DDR1: variants seen among roughly 807,000 people sequenced by gnomAD.
DDR1 encodes epithelial discoidin domain-containing receptor 1.
A neutral mutation model predicts 97.4 loss-of-function variants in DDR1; 64 were observed. The ratio of observed to expected loss-of-function variants is 0.66; its 90% CI spans 0.54 to 0.81. The LOEUF is 0.81. DDR1 is among the 30% of genes least tolerant of loss of function. The probability of loss-of-function intolerance (pLI) is 0.00; values close to 1 mark genes in which losing one functional copy is unlikely to be tolerated. For synonymous variants in DDR1, 458 were observed against 503.7 expected, an observed-to-expected ratio of 0.91 and a Z score of 1.21; for missense variants, 990 against 1,259.6, an observed-to-expected ratio of 0.79 and a Z score of 3.24.
intron 1 of DDR1, chr6:30,885,571 C>T (rs1326407036): frequency 2.8e-6 from 4 of 1,411,740 alleles, no homozygotes; most frequent in African/African-American, 1.4e-5. Context: ...GTGTGTGTCT[C>T]ATGCTGTCTT....
chr6:30,899,431 C>A lies in DDR1; in HGVS notation c.*135C>A. On this transcript the variant is annotated 3_prime_UTR_variant, in exon 18 of 18. Coordinates refer to ENST00000376568, the MANE Select transcript of DDR1 (RefSeq NM_001297654.2). ...ACCTCTAATAGAGGCAGTGAGACTG[C>A]AGGTGGGCTGGGCCCACCCAGGGAG... is the stretch of plus-strand genomic sequence containing the variant. 8.2e-7 allele frequency: 1 copy of A among 1,220,042 alleles called. No homozygotes were observed. The highest frequency in any genetic ancestry group is 1.1e-6 in the Non-Finnish European group (1 of 898,138). The allele number at this position is 1,220,042 out of a possible 1,614,324, so 75.6% of individuals were successfully genotyped here.
chr6:30,893,414 C>T lies in DDR1; in HGVS notation c.1338C>T (p.Leu446=), dbSNP rs1789394798. The change falls in exon 10 of 18, where the codon CTC becomes CTT. Residue 446 remains leucine (L), a synonymous_variant. Transcript: ENST00000376568. ...LMLWRLHWRR[L]LSKAERRVLE... ...TCTGGCGGCTGCACTGGCGCAGGCT[C>T]CTCAGCAAGGTGGGCACAGCCGTGG... 2 of 1,603,752 alleles carry T rather than the reference C, an allele frequency of 1.2e-6. No individual in the cohort carries two copies. The highest frequency in any genetic ancestry group is 1.3e-5 in the African/African-American group (1 of 75,040).
At position 30,891,898 on chromosome 6, in the gene DDR1, C is replaced by T. The variant is rs1788530935; in HGVS notation, c.666-104C>T. 7.7e-7 allele frequency: 1 copy of T among 1,292,440 alleles called. No homozygotes were observed. The highest frequency in any genetic ancestry group is 1.3e-5 in the South Asian group (1 of 76,782). The allele number at this position is 1,292,440 out of a possible 1,614,324, so 80.1% of individuals were successfully genotyped here. ...GGGAATGGGACTAGTGGATGGGAGC[C>T]AGGCTGGCCATGCCACTGTGCCGGA... On this transcript the variant is annotated intron_variant, in intron 6 of 17. Coordinates refer to ENST00000376568, the MANE Select transcript of DDR1 (RefSeq NM_001297654.2). This position sits in a 1 kb window ranked among gnomAD's most constrained non-coding sequence, Gnocchi z 5.3.
Position 30,885,505 on chromosome 6 carries a change from G to C in DDR1, c.-43+795G>C, listed in dbSNP as rs1185802377. ...ACGTCCCTCTGGCTTGGTCACCCAT[G>C]TGTGTTAGAGGCTGGGCCCCAGTTC... On this transcript the variant is annotated intron_variant, in intron 1 of 17. Transcript: ENST00000376568. 6.0e-6 allele frequency: 7 copies of C among 1,174,074 alleles called. 1 individual carries two copies. Among genetic ancestry groups the C allele is most frequent in the Admixed American group, 5.7e-5 (2 of 35,088 alleles). The allele number at this position is 1,174,074 out of a possible 1,614,324, so 72.7% of individuals were successfully genotyped here.
rs1220396640 is a variant in DDR1, at chr6:30,899,243, C to A, written c.2689C>A (p.Pro897Thr). ...GAGCCGGGAGTCTGAGCAGCGACCA[C>A]CCTTTTCCCAGCTGCATCGGTTCCT... is the stretch of plus-strand genomic sequence containing the variant. ...CWSRESEQRP[P>T]FSQLHRFLAE... is the part of the protein sequence containing the mutation. Residue 897 changes from proline to threonine, a missense_variant, in exon 18 of 18, where the codon CCC becomes ACC. By Grantham distance (38) the Pro-to-Thr change is conservative. Transcript: ENST00000376568. The A allele has an allele frequency of 6.2e-7, 1 of 1,614,034 alleles. No homozygotes were observed. Among genetic ancestry groups the A allele is most frequent in the Non-Finnish European group, 8.5e-7 (1 of 1,179,994 alleles).
intron 9 of DDR1, 43 bp downstream of exon 9, chr6:30,893,206 TC>T: frequency 6.3e-7 from 1 of 1,594,644 alleles, no homozygotes; most frequent in South Asian, 1.1e-5. Flanking sequence ...TGCACCCTTC[TC>T]CCTGGGCCTC....
At position 30,897,215 on chromosome 6, in the gene DDR1, A is replaced by G. The variant is rs1180684637; in HGVS notation, c.1997+74A>G. ...AGTGGGGAGCCATCTAGAGAGAACA[A>G]TGGCAGAGCCCAACAGAGGGGTGGC... On this transcript the variant is annotated intron_variant, in intron 14 of 17. Transcript: ENST00000376568. This position sits in a 1 kb window ranked among gnomAD's most constrained non-coding sequence, Gnocchi z 5.2. 7 of 1,574,628 alleles carry G rather than the reference A, an allele frequency of 4.4e-6. No homozygotes were observed. Among genetic ancestry groups the G allele is most frequent in the Non-Finnish European group, 6.0e-6 (7 of 1,162,228 alleles).
chr6:30,890,879 GCCA>G lies in DDR1; in HGVS notation c.418-92_418-90del. 7.3e-7 allele frequency: 1 copy of G among 1,378,212 alleles called. No individual in the cohort carries two copies. The highest frequency in any genetic ancestry group is 9.7e-7 in the Non-Finnish European group (1 of 1,027,438). The allele number at this position is 1,378,212 out of a possible 1,614,324, so 85.4% of individuals were successfully genotyped here. A position where few individuals can be genotyped will look rare whatever the true frequency, so the allele number is the denominator to read the frequency against. On this transcript the variant is annotated intron_variant, in intron 4 of 17. Coordinates refer to ENST00000376568, the MANE Select transcript of DDR1 (RefSeq NM_001297654.2). This position sits in a 1 kb window ranked among gnomAD's most constrained non-coding sequence, Gnocchi z 5.0. The stretch of plus-strand genomic sequence containing the variant: ...GCCACCCCTCATGGGTCTCTAAGTG[GCCA>G]CTGTGGGCTGGGCCAGGGAGCAGCT...
chr6:30,885,522 C>A, intron 1 of DDR1: 1 of 1,291,452 alleles, frequency 7.7e-7, no homozygotes, highest in Non-Finnish European at 1.0e-6. Flanking sequence ...AGAGGCTGGG[C>A]CCCAGTTCTC....
chr6:30,885,604 T>C, intron 1 of DDR1: 22 of 1,379,678 alleles, frequency 1.6e-5, no homozygotes, highest in Non-Finnish European at 1.6e-5. Flanking sequence ...GCATGTGGTG[T>C]CTGTCATTTC....
At chr6:30,885,341 C>T (rs1785405070) in intron 1 of DDR1, 1 of 1,345,258 alleles carries the variant, frequency 7.4e-7, no homozygotes, top group Admixed American at 2.0e-5. Flanking sequence ...CTGGCTGTTG[C>T]TGAGGGCCTG....
At chr6:30,883,429 T>C (rs1014252278), upstream of DDR1, 1 of 152,700 alleles carries the variant, frequency 6.5e-6, no homozygotes, top group Non-Finnish European at 1.5e-5. The surrounding 1 kb of genome is among the most constrained non-coding windows in gnomAD (Gnocchi z 4.9). Flanking sequence ...CTCCATCCTC[T>C]GCCCAGTAGC....
At chr6:30,885,559 G>A (rs1475388333) in intron 1 of DDR1, 3 of 1,402,616 alleles carry the variant, frequency 2.1e-6, no homozygotes, top group African/African-American at 2.9e-5. Flanking sequence ...AAGGGCCCGG[G>A]TGTGTGTGTC....
chr6:30,899,796 T>C lies in DDR1; in HGVS notation c.*500T>C. Reference sequence around the variant, plus strand: ...GTTTCCTTGTGCCTGCTCCTGTACTTGTCCTCAGCTTGGGCTTCTTCCTCC... The same window carrying C: ...GTTTCCTTGTGCCTGCTCCTGTACTCGTCCTCAGCTTGGGCTTCTTCCTCC... On this transcript the variant is annotated 3_prime_UTR_variant, in exon 18 of 18. Coordinates refer to ENST00000376568, the MANE Select transcript of DDR1 (RefSeq NM_001297654.2). 1 of 369,500 alleles carries C rather than the reference T, an allele frequency of 2.7e-6. No individual in the cohort carries two copies. The highest frequency in any genetic ancestry group is 5.1e-6 in the Non-Finnish European group (1 of 197,758). The allele number at this position is 369,500 out of a possible 1,614,324, so 22.9% of individuals were successfully genotyped here.
intron 12 of DDR1, 76 bp downstream of exon 12, chr6:30,895,590 C>T: frequency 1.1e-6 from 1 of 902,870 alleles, no homozygotes; most frequent in Non-Finnish European, 1.7e-6. Flanking sequence ...TCACACCTTG[C>T]ACTTCCTCCT....
rs1485669974 is a variant in DDR1, at chr6:30,884,750, G to A, written c.-43+40G>A. ...GGCGGAACCCGCGGGCGGAGGCCTGGGGCTCTTGGGGTGGGGGCGCGCGGC... is the reference window on the plus strand; with the variant it reads ...GGCGGAACCCGCGGGCGGAGGCCTGAGGCTCTTGGGGTGGGGGCGCGCGGC... On this transcript the variant is annotated intron_variant, in intron 1 of 17. Transcript: ENST00000376568. This position sits in a 1 kb window ranked among gnomAD's most constrained non-coding sequence, Gnocchi z 6.1. The A allele has an allele frequency of 6.2e-6, 1 of 162,328 alleles. No individual in the cohort carries two copies. The highest frequency in any genetic ancestry group is 1.3e-5 in the Non-Finnish European group (1 of 75,082). 10.1% of individuals were successfully genotyped at this position (162,328 alleles called of 1,614,324 possible). A position where few individuals can be genotyped will look rare whatever the true frequency, so the allele number is the denominator to read the frequency against.
chr6:30,885,783 A>G, intron 1 of DDR1: 1 of 1,291,092 alleles, frequency 7.7e-7, no homozygotes, highest in Non-Finnish European at 1.0e-6. Context: ...TGCATGCCAC[A>G]TTTAGCCTCG....
rs754013800 is a variant in DDR1 at position 30,889,422 on chromosome 6, G to A, written c.409G>A (p.Gly137Ser). Residue 137 changes from glycine to serine, a missense_variant, in exon 4 of 18, where the codon GGT (glycine) becomes AGT (serine). Coordinates refer to ENST00000376568, the MANE Select transcript of DDR1 (RefSeq NM_001297654.2). This position sits in a 1 kb window ranked among gnomAD's most constrained non-coding sequence, Gnocchi z 4.9. The stretch of plus-strand genomic sequence containing the variant: ...CTGGATGGGCTGGAAGGACCGCTGG[G>A]GTCAGGAGGTGAGACTGGCAGGGGC... ...RRWMGWKDRW[G>S]QEVISGNEDP... 11 of 1,539,012 alleles carry A rather than the reference G, an allele frequency of 7.1e-6. No homozygotes were observed. Among genetic ancestry groups the A allele is most frequent in the Non-Finnish European group, 8.7e-6 (10 of 1,143,956 alleles).
At position 30,891,528 on chromosome 6, in the gene DDR1, T is replaced by TGC. The variant is rs1554256337; in HGVS notation, c.665+50_665+51insCG. 1.0e-5 allele frequency: 5 copies of TGC among 489,844 alleles called. No homozygotes were observed. Among genetic ancestry groups the TGC allele is most frequent in the African/African-American group, 6.3e-5 (1 of 15,752 alleles). 30.3% of individuals were successfully genotyped at this position (489,844 alleles called of 1,614,324 possible). ...TGGAGTTTGGGGTGGGAGGGAGGAC[T>TGC]GTGTGTGTGTGTGTGTGTGTGTGTG... On this transcript the variant is annotated intron_variant, in intron 6 of 17. Coordinates refer to ENST00000376568, the MANE Select transcript of DDR1 (RefSeq NM_001297654.2). The surrounding 1 kb of genome is among the most constrained non-coding windows in gnomAD (Gnocchi z 5.3).
Sources: allele counts gnomAD v4.1 joint callset, GRCh38; gene constraint gnomAD v4.1.1; non-coding constraint Gnocchi (gnomAD v3.1); transcripts MANE v1.5; gene names NCBI Gene and HGNC (gene_info 2026-07-23, HGNC 2026-07-21).